Variants in LDAH observed in about 807,000 individuals in gnomAD.
LDAH encodes the protein lipid droplet associated hydrolase.
LDAH carries 26 observed loss-of-function variants against 29.6 expected under a neutral mutation model. The ratio of observed to expected loss-of-function variants is 0.88; its 90% CI spans 0.64 to 1.22. The LOEUF (loss-of-function observed/expected upper bound fraction) is 1.22. Among genes scored for constraint, LDAH ranks in the 50% most tolerant of loss-of-function variants. The probability of loss-of-function intolerance (pLI) is 0.00; values close to 1 mark genes in which losing one functional copy is unlikely to be tolerated. For synonymous variants in LDAH, 117 were observed against 133.0 expected, an observed-to-expected ratio of 0.88 and a Z score of 0.83; for missense variants, 344 against 387.3, an observed-to-expected ratio of 0.89 and a Z score of 0.94.
intron 3 of LDAH, among the ~76,000 whole-genome samples, chr2:20,775,191 C>A (rs1381943042): frequency 6.6e-6 from 1 of 152,128 alleles, no homozygotes; most frequent in Non-Finnish European, 1.5e-5. Flanking sequence ...AGGTGAAAAT[C>A]CCAATGCTCA....
chr2:20,792,713 C>T (rs1671056693), intron 2 of LDAH, among the ~76,000 whole-genome samples: 1 of 152,032 alleles, frequency 6.6e-6, no homozygotes, highest in African/African-American at 2.4e-5. Flanking sequence ...ATTAAGGAGA[C>T]ACTAAAGATA....
chr2:20,729,822 G>A (rs1003461204), intron 5 of LDAH, among the ~76,000 whole-genome samples: 6 of 152,088 alleles, frequency 3.9e-5, no homozygotes, highest in African/African-American at 1.4e-4. Flanking sequence ...AAGAGACAGG[G>A]TCTTCCTCTG....
At chr2:20,725,350 G>T (rs4971543) in intron 5 of LDAH, among the ~76,000 whole-genome samples, 1 of 152,000 alleles carries the variant, frequency 6.6e-6, no homozygotes, top group African/African-American at 2.4e-5. Flanking sequence ...ACTGTGGATG[G>T]GTACTTATTT....
chr2:20,739,685 T>A (rs1667035884), intron 5 of LDAH, among the ~76,000 whole-genome samples: 3 of 152,204 alleles, frequency 2.0e-5, no homozygotes, highest in African/African-American at 7.2e-5. Context: ...AGGGACTCCA[T>A]ATATACTATG....
chr2:20,768,092 T>C (rs1669162287), intron 4 of LDAH, among the ~76,000 whole-genome samples: 1 of 152,216 alleles, frequency 6.6e-6, no homozygotes, highest in South Asian at 2.1e-4. Flanking sequence ...AGCTCCTCTC[T>C]GTCTTGCTCA....
intron 2 of LDAH, among the ~76,000 whole-genome samples, chr2:20,800,466 T>G (rs1280875832): frequency 6.6e-6 from 1 of 152,164 alleles, no homozygotes; most frequent in Non-Finnish European, 1.5e-5. Context: ...AGAATAAGAA[T>G]AAACATGTAT....
At chr2:20,702,308 C>T (rs1195213038) in intron 5 of LDAH, among the ~76,000 whole-genome samples, 2 of 152,126 alleles carry the variant, frequency 1.3e-5, no homozygotes, top group African/African-American at 2.4e-5. Context: ...TCCATTTTGG[C>T]TGGTATTATT....
At chr2:20,688,485 T>C (rs1162813226) in intron 6 of LDAH, among the ~76,000 whole-genome samples, 2 of 152,116 alleles carry the variant, frequency 1.3e-5, no homozygotes, top group South Asian at 4.1e-4. Context: ...AGTGACATGC[T>C]GAGGTCCCTA....
At chr2:20,788,527 A>G (rs1056785928) in intron 3 of LDAH, among the ~76,000 whole-genome samples, 1 of 152,236 alleles carries the variant, frequency 6.6e-6, no homozygotes, top group Non-Finnish European at 1.5e-5. Flanking sequence ...ATCAATGTCT[A>G]AAAGAATCAT....
chr2:20,740,753 C>G (rs555362875), intron 4 of LDAH, among the ~76,000 whole-genome samples: 17 of 152,332 alleles, frequency 1.1e-4, no homozygotes, highest in African/African-American at 3.1e-4. Flanking sequence ...CCCATGTGCA[C>G]TAAGTTTTCA....
At chr2:20,767,033 C>G (rs1032036378) in intron 4 of LDAH, among the ~76,000 whole-genome samples, 2 of 152,244 alleles carry the variant, frequency 1.3e-5, no homozygotes, top group Non-Finnish European at 2.9e-5. Flanking sequence ...GAGGTGCGCA[C>G]TGGGCAGGGC....
At chr2:20,812,808 A>C (rs1218813699) in intron 1 of LDAH, among the ~76,000 whole-genome samples, 1 of 152,242 alleles carries the variant, frequency 6.6e-6, no homozygotes, top group Non-Finnish European at 1.5e-5. Context: ...GTAAGAACCA[A>C]GGCAACAGTA....
chr2:20,705,977 G>C (rs187093755), intron 5 of LDAH, among the ~76,000 whole-genome samples: 8 of 152,298 alleles, frequency 5.3e-5, no homozygotes, highest in Admixed American at 4.6e-4. Flanking sequence ...CCAATACAAA[G>C]GCCCTTGGCT....
At chr2:20,782,442 T>C (rs1670260050) in intron 3 of LDAH, among the ~76,000 whole-genome samples, 1 of 152,362 alleles carries the variant, frequency 6.6e-6, no homozygotes, top group South Asian at 2.1e-4. Flanking sequence ...TGGTATTCTA[T>C]TGAGAATTTT....
rs1663677219 is a variant in LDAH, at chr2:20,698,617, T to C, written c.786+2953A>G. Among the ~76,000 whole-genome samples, 4 of 151,574 alleles carry C rather than the reference T, an allele frequency of 2.6e-5. No individual in the cohort carries two copies. The highest frequency in any genetic ancestry group is 2.0e-4 in the Admixed American group (3 of 15,214). ...ATCGCTTGAACCCGGGAAGTGGAGG[T>C]TGCAGTGAGCCGAGATCGTGCCACT... On this transcript the variant is annotated intron_variant, in intron 6 of 6. Coordinates refer to ENST00000237822, the MANE Select transcript of LDAH (RefSeq NM_021925.4). This position sits in a 1 kb window ranked among gnomAD's most constrained non-coding sequence, Gnocchi z 4.4.
intron 5 of LDAH, among the ~76,000 whole-genome samples, chr2:20,719,661 C>A (rs1269899626): frequency 6.6e-6 from 1 of 151,880 alleles, no homozygotes; most frequent in South Asian, 2.1e-4. Flanking sequence ...CAAGACCAGA[C>A]AAGAATATAA....
chr2:20,684,440 T>G lies in LDAH; in HGVS notation c.*2463A>C, dbSNP rs78958027. ...AATTATTTTAGACACGAGGTCTCGT[T>G]TTTTGCACGGGCTGGTCTCAAACTC... On this transcript the variant is annotated 3_prime_UTR_variant, in exon 7 of 7. Transcript: ENST00000237822. The G allele has an allele frequency of 2.4e-3, 376 of 154,408 alleles. 7 individuals are homozygous for G. The highest frequency in any genetic ancestry group is 3.5e-3 in the Admixed American group (54 of 15,368). The allele number at this position is 154,408 out of a possible 1,614,324, so 9.6% of individuals were successfully genotyped here.
At chr2:20,814,733 G>T (rs1007984957) in intron 1 of LDAH, among the ~76,000 whole-genome samples, 1 of 152,144 alleles carries the variant, frequency 6.6e-6, no homozygotes, top group Non-Finnish European at 1.5e-5. Context: ...TTTTAGTGAA[G>T]TAAATATAAA....
intron 4 of LDAH, among the ~76,000 whole-genome samples, chr2:20,762,398 C>T (rs1668749960): frequency 6.6e-6 from 1 of 152,092 alleles, no homozygotes; most frequent in Non-Finnish European, 1.5e-5. Context: ...CCAATACATC[C>T]TTTACCCCTA....
Sources: allele counts gnomAD v4.1 joint callset (sites outside exome capture counted in the v4.1 genomes callset), GRCh38; gene constraint gnomAD v4.1.1; non-coding constraint Gnocchi (gnomAD v3.1); transcripts MANE v1.5; gene names NCBI Gene and HGNC (gene_info 2026-07-23, HGNC 2026-07-21).